PPM1L: variants seen among roughly 807,000 people sequenced by gnomAD.
PPM1L encodes the protein protein phosphatase, Mg2+/Mn2+ dependent 1L.
In PPM1L, 13 loss-of-function variants were observed where a neutral mutation model predicts 31.4. The observed-to-expected ratio is 0.41, with a 90% CI of 0.27 to 0.66. The LOEUF is 0.66. PPM1L is among the 30% of genes least tolerant of loss of function. The probability of loss-of-function intolerance (pLI) is 0.29; values close to 1 mark genes in which losing one functional copy is unlikely to be tolerated. For missense variants in PPM1L, 326 were observed against 453.7 expected, an observed-to-expected ratio of 0.72 and a Z score of 2.56; for synonymous variants, 184 against 175.4, an observed-to-expected ratio of 1.05 and a Z score of -0.39.
In PPM1L at chr3:161,073,165, C is replaced by G. The variant is rs1260370789; in HGVS notation, c.*4008C>G. The G allele has an allele frequency of 1.3e-5, 2 of 152,172 alleles. No individual in the cohort carries two copies. Among genetic ancestry groups the G allele is most frequent in the Non-Finnish European group, 2.9e-5 (2 of 68,030 alleles). 9.4% of individuals were successfully genotyped at this position (152,172 alleles called of 1,614,324 possible). On this transcript the variant is annotated 3_prime_UTR_variant, in exon 4 of 4. Coordinates refer to ENST00000498165, the MANE Select transcript of PPM1L (RefSeq NM_139245.4). ...ATGAAATAAGTTTGGAAAACACATA[C>G]CATCTTAGAAAGTTAGTGAACATGA...
At chr3:160,769,032 G>C (rs535771688) in intron 1 of PPM1L, among the ~76,000 whole-genome samples, 61 of 152,280 alleles carry the variant, frequency 4.0e-4, no homozygotes, top group Admixed American at 3.9e-3. Context: ...TCTCTAGAAA[G>C]TACTCTTCAC....
intron 1 of PPM1L, among the ~76,000 whole-genome samples, chr3:160,788,568 TCAAAA>T (rs1171454501): frequency 6.6e-6 from 1 of 151,982 alleles, no homozygotes; most frequent in Non-Finnish European, 1.5e-5. Flanking sequence ...TTTTTGTAGA[TCAAAA>T]CAAATCTTAT....
chr3:160,980,865 C>A (rs1277269027), intron 2 of PPM1L, among the ~76,000 whole-genome samples: 3 of 152,058 alleles, frequency 2.0e-5, no homozygotes. Flanking sequence ...GATGGACATG[C>A]AGTAAACACT....
intron 1 of PPM1L, among the ~76,000 whole-genome samples, chr3:160,759,684 C>G (rs897278225): frequency 6.6e-6 from 1 of 152,046 alleles, no homozygotes; most frequent in South Asian, 2.1e-4. Flanking sequence ...TAGAGTGTTA[C>G]GGTGACACAG....
intron 1 of PPM1L, among the ~76,000 whole-genome samples, chr3:160,761,084 G>A (rs1305380443): frequency 6.6e-6 from 1 of 152,170 alleles, no homozygotes; most frequent in Non-Finnish European, 1.5e-5. Context: ...CTTTTCTTGA[G>A]TCATGCTGCT....
At chr3:160,788,414 A>G (rs1028608777) in intron 1 of PPM1L, among the ~76,000 whole-genome samples, 3 of 151,996 alleles carry the variant, frequency 2.0e-5, no homozygotes, top group Non-Finnish European at 4.4e-5. Context: ...CTTCTGGTTC[A>G]TGTCTTTTGC....
Position 161,075,762 on chromosome 3 carries a change from C to G in PPM1L, c.*6605C>G, listed in dbSNP as rs1337826773. The G allele has an allele frequency of 6.6e-6, 1 of 152,152 alleles. No homozygotes were observed. Among genetic ancestry groups the G allele is most frequent in the Non-Finnish European group, 1.5e-5 (1 of 68,038 alleles). The allele number at this position is 152,152 out of a possible 1,614,324, so 9.4% of individuals were successfully genotyped here. ...GAATTATGCTTTCTGTACTTACGCT[C>G]TTAGTGAAGGAGATAACATTGAAGT... On this transcript the variant is annotated 3_prime_UTR_variant, in exon 4 of 4. Transcript: ENST00000498165.
At chr3:160,763,743 T>C (rs1715030293) in intron 1 of PPM1L, among the ~76,000 whole-genome samples, 1 of 152,180 alleles carries the variant, frequency 6.6e-6, no homozygotes, top group East Asian at 1.9e-4. Context: ...TGATTTGAAC[T>C]AACAAGATAG....
At chr3:160,814,903 T>G (rs1424480406) in intron 1 of PPM1L, among the ~76,000 whole-genome samples, 1 of 152,080 alleles carries the variant, frequency 6.6e-6, no homozygotes, top group Non-Finnish European at 1.5e-5. Context: ...AACTCAGGAA[T>G]GGAGAACCAA....
At chr3:160,786,480 A>AGT (rs1711937349) in intron 1 of PPM1L, among the ~76,000 whole-genome samples, 1 of 150,758 alleles carries the variant, frequency 6.6e-6, no homozygotes, top group African/African-American at 2.4e-5. Context: ...TGCCTCCCAA[A>AGT]GTGCTGGGAT....
At chr3:161,054,431 A>T (rs1041686296) in intron 2 of PPM1L, among the ~76,000 whole-genome samples, 11 of 151,968 alleles carry the variant, frequency 7.2e-5, no homozygotes, top group African/African-American at 2.7e-4. Flanking sequence ...AGGGTTGCCC[A>T]TATGGTTGTG....
chr3:160,790,096 A>AT (rs1008345418), intron 1 of PPM1L, among the ~76,000 whole-genome samples: 14 of 151,764 alleles, frequency 9.2e-5, no homozygotes, highest in African/African-American at 3.1e-4. Context: ...GAAACCATCC[A>AT]TTTTTTTTCC....
At chr3:160,790,204 A>G (rs1343753631) in intron 1 of PPM1L, among the ~76,000 whole-genome samples, 5 of 152,104 alleles carry the variant, frequency 3.3e-5, no homozygotes, top group Non-Finnish European at 7.4e-5. Context: ...TCTTAGTTAC[A>G]TGAACTGTTA....
At chr3:160,809,836 T>C (rs1008809798) in intron 1 of PPM1L, among the ~76,000 whole-genome samples, 3 of 152,080 alleles carry the variant, frequency 2.0e-5, no homozygotes, top group Non-Finnish European at 4.4e-5. Flanking sequence ...CCTGGTGGAA[T>C]GAAAAAGGCA....
intron 1 of PPM1L, among the ~76,000 whole-genome samples, chr3:160,824,107 T>A (rs934990595): frequency 6.6e-6 from 1 of 152,118 alleles, no homozygotes; most frequent in Non-Finnish European, 1.5e-5. Context: ...GTCACGGTAT[T>A]TGGAGGCGGG....
intron 2 of PPM1L, among the ~76,000 whole-genome samples, chr3:161,063,215 A>T (rs1225835662): frequency 1.3e-5 from 2 of 148,194 alleles, no homozygotes; most frequent in Admixed American, 6.7e-5. Context: ...TTTCCAATAT[A>T]AAAAAAAAAT....
chr3:161,000,158 G>C (rs909237867), intron 2 of PPM1L, among the ~76,000 whole-genome samples: 2 of 152,212 alleles, frequency 1.3e-5, no homozygotes, highest in African/African-American at 4.8e-5. Flanking sequence ...GACTTGTCCA[G>C]TTTAAGATGG....
chr3:160,970,444 A>ATTTTTTTT (rs1559908005), intron 2 of PPM1L, among the ~76,000 whole-genome samples: 1 of 118,706 alleles, frequency 8.4e-6, no homozygotes, highest in African/African-American at 3.4e-5. Flanking sequence ...AACCAAGCTG[A>ATTTTTTTT]ATATTTTTTT....
intron 1 of PPM1L, among the ~76,000 whole-genome samples, chr3:160,841,805 C>T (rs1713889225): frequency 6.6e-6 from 1 of 152,106 alleles, no homozygotes; most frequent in South Asian, 2.1e-4. Context: ...ACTAAAGATA[C>T]TTTTGTCTTA....
Sources: allele counts gnomAD v4.1 joint callset (sites outside exome capture counted in the v4.1 genomes callset), GRCh38; gene constraint gnomAD v4.1.1; transcripts MANE v1.5; gene names NCBI Gene and HGNC (gene_info 2026-07-23, HGNC 2026-07-21).